The following PFDN1 variants were observed in gnomAD, a reference collection of about 807,000 sequenced individuals.
The protein encoded by PFDN1 is prefoldin 1.
A neutral mutation model predicts 17.3 loss-of-function variants in PFDN1; 6 were observed. The observed-to-expected ratio is 0.35, with a 90% CI of 0.19 to 0.69. The LOEUF (loss-of-function observed/expected upper bound fraction) is 0.69. Ranked by LOEUF, PFDN1 falls within the 30% of genes least tolerant of loss-of-function variation. The pLI is 0.65. For missense variants in PFDN1, 113 were observed against 146.2 expected (o/e 0.77, Z 1.17); for synonymous variants, 58 against 50.1 (o/e 1.16, Z -0.67).
chr5:140,300,510 G>C lies in PFDN1; in HGVS notation c.106C>G (p.Gln36Glu), dbSNP rs774720461. The C allele has an allele frequency of 1.2e-6, 2 of 1,613,048 alleles. No individual in the cohort carries two copies. The highest frequency in any genetic ancestry group is 1.1e-5 in the South Asian group (1 of 91,000). Residue 36 changes from glutamine (Q) to glutamate (E), a missense_variant, in exon 2 of 4, where the codon CAG becomes GAG. Coordinates refer to ENST00000261813, the MANE Select transcript of PFDN1 (RefSeq NM_002622.5). Reference protein sequence around the residue: ...KVKLADIQIEQLNRTKKHAHL... With the variant: ...KVKLADIQIEELNRTKKHAHL... Reference sequence around the variant, plus strand: ...GCATGCTTTTTCGTTCTGTTTAGCTGTTCAATCTGTATGTCTGCGAGCTTC... The same window carrying C: ...GCATGCTTTTTCGTTCTGTTTAGCTCTTCAATCTGTATGTCTGCGAGCTTC...
chr5:140,286,461 C>T (rs1332999730), intron 2 of PFDN1, among the ~76,000 whole-genome samples: 2 of 149,574 alleles, frequency 1.3e-5, no homozygotes, highest in African/African-American at 2.5e-5. Context: ...GCATGTCATT[C>T]CATTTTCAAG....
At chr5:140,249,478 G>C (rs1764880966) in intron 3 of PFDN1, among the ~76,000 whole-genome samples, 1 of 152,196 alleles carries the variant, frequency 6.6e-6, no homozygotes, top group African/African-American at 2.4e-5. Context: ...CTGCAATTCA[G>C]TATGGTCAGA....
At chr5:140,269,506 T>TG (rs1274493327) in intron 3 of PFDN1, among the ~76,000 whole-genome samples, 53 of 151,708 alleles carry the variant, frequency 3.5e-4, no homozygotes, top group African/African-American at 1.0e-3. Context: ...TTAGTAGAGA[T>TG]GGGGGTCTCT....
At chr5:140,295,059 AT>A (rs1391352740) in intron 2 of PFDN1, among the ~76,000 whole-genome samples, 1 of 151,996 alleles carries the variant, frequency 6.6e-6, no homozygotes, top group Non-Finnish European at 1.5e-5. Context: ...CAAGTTCCTC[AT>A]ATTAAAAAAA....
chr5:140,274,642 T>C (rs368370561), intron 3 of PFDN1, among the ~76,000 whole-genome samples: 4 of 152,284 alleles, frequency 2.6e-5, no homozygotes, highest in South Asian at 2.1e-4. Context: ...CGTGAGTCTG[T>C]TATGAAAATA....
chr5:140,262,951 T>C (rs1765084848), intron 3 of PFDN1, among the ~76,000 whole-genome samples: 1 of 152,164 alleles, frequency 6.6e-6, no homozygotes, highest in African/African-American at 2.4e-5. Context: ...ATATGCTCAA[T>C]CAGTAAACAG....
chr5:140,272,270 T>C (rs939069086), intron 3 of PFDN1, among the ~76,000 whole-genome samples: 3 of 151,702 alleles, frequency 2.0e-5, no homozygotes, highest in Non-Finnish European at 4.4e-5. Flanking sequence ...TCTGCCCGCC[T>C]CAGCCTCCCA....
At chr5:140,279,527 C>T (rs1364247479) in intron 3 of PFDN1, among the ~76,000 whole-genome samples, 1 of 150,962 alleles carries the variant, frequency 6.6e-6, no homozygotes, top group Non-Finnish European at 1.5e-5. Context: ...CCTAAAGAGA[C>T]AAGGTCTTGT....
chr5:140,296,617 G>T (rs775349368), intron 2 of PFDN1, among the ~76,000 whole-genome samples: 1 of 152,150 alleles, frequency 6.6e-6, no homozygotes, highest in Non-Finnish European at 1.5e-5. Flanking sequence ...AATGTTATTC[G>T]CCAAAGACTG....
At chr5:140,260,823 T>C (rs911187121) in intron 3 of PFDN1, among the ~76,000 whole-genome samples, 15 of 151,920 alleles carry the variant, frequency 9.9e-5, no homozygotes, top group Admixed American at 4.6e-4. Context: ...TTAAAAAATA[T>C]ATATATCTCC....
At chr5:140,264,969 C>T (rs1404775006) in intron 3 of PFDN1, among the ~76,000 whole-genome samples, 1 of 152,132 alleles carries the variant, frequency 6.6e-6, no homozygotes, top group Non-Finnish European at 1.5e-5. Context: ...GACTTTTTAA[C>T]CTTCAAAACT....
chr5:140,272,521 G>A (rs547109745), intron 3 of PFDN1, among the ~76,000 whole-genome samples: 17 of 149,182 alleles, frequency 1.1e-4, no homozygotes, highest in Admixed American at 7.4e-4. Flanking sequence ...CACCACGCCC[G>A]GCTAATTTTT....
chr5:140,256,488 C>T (rs1016871187), intron 3 of PFDN1, among the ~76,000 whole-genome samples: 1 of 151,972 alleles, frequency 6.6e-6, no homozygotes, highest in African/African-American at 2.4e-5. Flanking sequence ...CCAGATTTAA[C>T]ATATCCAATT....
intron 3 of PFDN1, among the ~76,000 whole-genome samples, chr5:140,255,481 A>C (rs1764972817): frequency 6.6e-6 from 1 of 152,134 alleles, no homozygotes; most frequent in South Asian, 2.1e-4. Context: ...CTCTACAAAA[A>C]TAAAAAAATC....
intron 3 of PFDN1, among the ~76,000 whole-genome samples, chr5:140,274,660 A>G (rs1378057770): frequency 6.6e-6 from 1 of 152,134 alleles, no homozygotes; most frequent in East Asian, 1.9e-4. Context: ...ATACTTCCCA[A>G]TTAATCCCAT....
intron 3 of PFDN1, among the ~76,000 whole-genome samples, chr5:140,263,893 C>T (rs989095204): frequency 4.6e-5 from 7 of 151,256 alleles, no homozygotes; most frequent in African/African-American, 1.5e-4. Context: ...TGGTGGCGGG[C>T]GCCTGTAGTC....
At chr5:140,250,176 A>G (rs1764892506) in intron 3 of PFDN1, among the ~76,000 whole-genome samples, 2 of 152,074 alleles carry the variant, frequency 1.3e-5, no homozygotes, top group African/African-American at 2.4e-5. Context: ...AACTATTCAC[A>G]CCACAGTACT....
rs773980289 is a variant in PFDN1, at chr5:140,267,652, T to TAGA, written c.285+13796_285+13797insTCT. ...AGCCAGGGCTGGCCTTAGAACCACC[T>TAGA]CCCGCTTATTTGTTATTTTTAGCAA... On this transcript the variant is annotated intron_variant, in intron 3 of 3. Coordinates refer to ENST00000261813, the MANE Select transcript of PFDN1 (RefSeq NM_002622.5). 9.3e-3 allele frequency among the ~76,000 whole-genome samples: 1,408 copies of TAGA among 152,012 alleles called. 15 individuals are homozygous for TAGA. Among genetic ancestry groups the TAGA allele is most frequent in the South Asian group, 0.018 (85 of 4,798 alleles).
chr5:140,296,732 C>G (rs1030372922), intron 2 of PFDN1, among the ~76,000 whole-genome samples: 10 of 152,218 alleles, frequency 6.6e-5, no homozygotes, highest in Non-Finnish European at 1.5e-4. Flanking sequence ...TCTACCCTCA[C>G]TGTGTAACAG....
Sources: allele counts gnomAD v4.1 joint callset (sites outside exome capture counted in the v4.1 genomes callset), GRCh38; gene constraint gnomAD v4.1.1; transcripts MANE v1.5; gene names NCBI Gene and HGNC (gene_info 2026-07-23, HGNC 2026-07-21).